Variants in LGR4 observed in about 807,000 individuals in gnomAD.
The protein encoded by LGR4 is leucine-rich repeat-containing G protein-coupled receptor 4.
Under a neutral mutation model 84.8 loss-of-function variants are expected in LGR4, and 44 were observed. The ratio of observed to expected loss-of-function variants is 0.52; its 90% CI spans 0.41 to 0.67. The LOEUF (loss-of-function observed/expected upper bound fraction) is 0.67. Among genes scored for constraint, LGR4 ranks in the 30% least tolerant of loss-of-function variants. LGR4 has a pLI of 0.00. For missense variants in LGR4, 1,032 were observed against 1,131.4 expected, an observed-to-expected ratio of 0.91 and a Z score of 1.26; for synonymous variants, 429 against 434.3, an observed-to-expected ratio of 0.99 and a Z score of 0.15.
intron 5 of LGR4, 155 bp downstream of exon 5, chr11:27,385,098 C>T (rs1863161368): frequency 1.9e-6 from 1 of 522,228 alleles, no homozygotes; most frequent in African/African-American, 1.9e-5. Context: ...TTAAATTATC[C>T]TATTCTGTTT....
chr11:27,400,592 T>A (rs1001368386), intron 2 of LGR4, among the ~76,000 whole-genome samples: 2 of 151,544 alleles, frequency 1.3e-5, no homozygotes, highest in African/African-American at 4.8e-5. Flanking sequence ...AACCTCTACC[T>A]CCCAGGTTCA....
chr11:27,465,778 T>C (rs1021610395), intron 1 of LGR4, among the ~76,000 whole-genome samples: 1 of 152,202 alleles, frequency 6.6e-6, no homozygotes, highest in African/African-American at 2.4e-5. Context: ...AGTGTGACCA[T>C]CAGGTGCTGA....
chr11:27,371,024 T>C (rs888349471), intron 17 of LGR4, among the ~76,000 whole-genome samples: 1 of 152,190 alleles, frequency 6.6e-6, no homozygotes, highest in Non-Finnish European at 1.5e-5. Context: ...ATACTTATAA[T>C]TCTGAGTCAT....
chr11:27,407,762 A>G (rs1475528620), intron 2 of LGR4, among the ~76,000 whole-genome samples: 3 of 152,116 alleles, frequency 2.0e-5, no homozygotes, highest in Admixed American at 1.3e-4. Context: ...TATCAAAGCT[A>G]GTTTTCTGAG....
chr11:27,368,310 T>G lies in LGR4; in HGVS notation c.2413A>C (p.Asn805His). ...TTCCAGTCTTCTTTAAACTTTGGGT[T>G]GAAGAAAACATACAGGACTGGATTC... ...CLNPVLYVFF[N>H]PKFKEDWKLL... Residue 805 changes from asparagine (N) to histidine (H), a missense_variant, in exon 18 of 18, where the codon AAC becomes CAC. Transcript: ENST00000379214. The G allele has an allele frequency of 6.2e-7, 1 of 1,614,092 alleles. No individual in the cohort carries two copies. The highest frequency in any genetic ancestry group is 1.1e-5 in the South Asian group (1 of 91,084).
At chr11:27,456,535 T>C (rs1864580149) in intron 1 of LGR4, among the ~76,000 whole-genome samples, 1 of 152,204 alleles carries the variant, frequency 6.6e-6, no homozygotes, top group Non-Finnish European at 1.5e-5. Context: ...TTTAATCTAC[T>C]GCAAAGTTTT....
At chr11:27,392,842 T>C (rs1863312325) in intron 2 of LGR4, among the ~76,000 whole-genome samples, 1 of 152,184 alleles carries the variant, frequency 6.6e-6, no homozygotes, top group African/African-American at 2.4e-5. Flanking sequence ...CAGTGTTTTC[T>C]AAGGGCCTCA....
At chr11:27,388,082 A>G (rs113047849) in intron 4 of LGR4, among the ~76,000 whole-genome samples, 215 of 152,338 alleles carry the variant, frequency 1.4e-3, no homozygotes, top group African/African-American at 5.0e-3. Context: ...TTTCCTCCGT[A>G]CTAAAAATTT....
intron 17 of LGR4, among the ~76,000 whole-genome samples, chr11:27,370,762 G>A (rs1862867513): frequency 1.3e-5 from 2 of 152,116 alleles, no homozygotes; most frequent in Non-Finnish European, 2.9e-5. Context: ...TGGATCATCA[G>A]TTCTTTATGT....
At position 27,373,556 on chromosome 11, in the gene LGR4, G is replaced by A. The variant is rs776572819; in HGVS notation, c.1374C>T (p.Asn458=). 77 of 1,567,044 alleles carry A rather than the reference G, an allele frequency of 4.9e-5. No individual in the cohort carries two copies. The highest frequency in any genetic ancestry group is 6.2e-5 in the Non-Finnish European group (72 of 1,153,442). Residue 458 remains asparagine (N), a synonymous_variant, in exon 15 of 18, where the codon AAC becomes AAT. Transcript: ENST00000379214. ...AAAAATAAGCAAAAACACACCTGAGGTTAACAAAGTCTTTTGCTGCTAAGG... is the reference window on the plus strand; with the variant it reads ...AAAAATAAGCAAAAACACACCTGAGATTAACAAAGTCTTTTGCTGCTAAGG... The part of the protein sequence containing the change: ...KEALAAKDFV[N]LRSLSVPYAY...
intron 2 of LGR4, among the ~76,000 whole-genome samples, chr11:27,398,247 T>A (rs1863427440): frequency 6.6e-6 from 1 of 152,184 alleles, no homozygotes; most frequent in Non-Finnish European, 1.5e-5. Flanking sequence ...CAAGGGTGTG[T>A]GTGAAGGACT....
chr11:27,470,439 A>G (rs907761818), intron 1 of LGR4, among the ~76,000 whole-genome samples: 1 of 152,230 alleles, frequency 6.6e-6, no homozygotes, highest in Non-Finnish European at 1.5e-5. Context: ...ACTGGTCAAA[A>G]TAGTAAAATT....
chr11:27,445,584 G>A (rs2133437879), intron 1 of LGR4, among the ~76,000 whole-genome samples: 1 of 152,212 alleles, frequency 6.6e-6, no homozygotes, highest in South Asian at 2.1e-4. Flanking sequence ...AGCACACTTA[G>A]AAGTACAATA....
At chr11:27,419,573 T>C (rs1863885504) in intron 1 of LGR4, among the ~76,000 whole-genome samples, 3 of 80,564 alleles carry the variant, frequency 3.7e-5, no homozygotes, top group Middle Eastern at 5.1e-3. Flanking sequence ...AAATTATATA[T>C]ACATAATTAT....
chr11:27,470,224 T>G (rs1864846144), intron 1 of LGR4, among the ~76,000 whole-genome samples: 1 of 152,172 alleles, frequency 6.6e-6, no homozygotes, highest in African/African-American at 2.4e-5. Flanking sequence ...GAACACTAAC[T>G]TATTCTAAGG....
chr11:27,419,615 A>G (rs1021750204), intron 1 of LGR4, among the ~76,000 whole-genome samples: 6 of 147,574 alleles, frequency 4.1e-5, no homozygotes, highest in African/African-American at 1.5e-4. Context: ...ATATATAAAT[A>G]TAATATATAA....
Position 27,472,110 on chromosome 11 carries a change from G to T in LGR4, c.185+8C>A. 1 of 608,296 alleles carries T rather than the reference G, an allele frequency of 1.6e-6. No homozygotes were observed. Among genetic ancestry groups the T allele is most frequent in the Non-Finnish European group, 2.1e-6 (1 of 483,658 alleles). 37.7% of individuals were successfully genotyped at this position (608,296 alleles called of 1,614,324 possible). ...CCCCCCCCTCGCGTCCCCGCCGCCC[G>T]CACTCACAGCGCTTGGGTGAAGGCG... On this transcript the variant is annotated splice_region_variant and intron_variant, in intron 1 of 17. Coordinates refer to ENST00000379214, the MANE Select transcript of LGR4 (RefSeq NM_018490.5).
chr11:27,469,483 C>T (rs972795366), intron 1 of LGR4, among the ~76,000 whole-genome samples: 11 of 152,106 alleles, frequency 7.2e-5, no homozygotes, highest in Non-Finnish European at 1.5e-4. Flanking sequence ...TCCTATGTAC[C>T]GGGCTCTGGG....
chr11:27,472,501 C>T lies in LGR4; in HGVS notation c.-199G>A, dbSNP rs566344767. ...CGGCGCTCCGGAGTTTCGCCCTTCC[C>T]GCTGCTCCATGGACGCGCAGAGGCA... On this transcript the variant is annotated 5_prime_UTR_variant, in exon 1 of 18. Transcript: ENST00000379214. 2.3e-5 allele frequency: 9 copies of T among 397,412 alleles called. No individual in the cohort carries two copies. In the South Asian group the frequency reaches 7.5e-4, roughly 33 times the overall value. 24.6% of individuals were successfully genotyped at this position (397,412 alleles called of 1,614,324 possible).
Sources: gnomAD v4.1 joint callset for allele counts (sites outside exome capture counted in the v4.1 genomes callset) on GRCh38, gnomAD v4.1.1 for gene constraint, MANE v1.5 for transcripts, NCBI Gene and HGNC (gene_info 2026-07-23, HGNC 2026-07-21) for gene names.